UNC13C: variants seen among roughly 807,000 people sequenced by gnomAD.
UNC13C encodes protein unc-13 homolog C.
Under a neutral mutation model 245.4 loss-of-function variants are expected in UNC13C, and 174 were observed. That is an observed-to-expected ratio of 0.71 (90% CI 0.63 to 0.80). The LOEUF is 0.80. Among genes scored for constraint, UNC13C ranks in the 30% least tolerant of loss-of-function variants. The probability of loss-of-function intolerance (pLI) is 0.00; values close to 1 mark genes in which losing one functional copy is unlikely to be tolerated. For synonymous variants in UNC13C, 992 were observed against 895.1 expected, an observed-to-expected ratio of 1.11 and a Z score of -1.93; for missense variants, 2,829 against 2,602.9, an observed-to-expected ratio of 1.09 and a Z score of -1.89.
At position 54,448,284 on chromosome 15, in the gene UNC13C, G is replaced by T. The variant is rs113609065; in HGVS notation, c.4933+33217G>T. On this transcript the variant is annotated intron_variant, in intron 19 of 32. Coordinates refer to ENST00000260323, the MANE Select transcript of UNC13C (RefSeq NM_001080534.3). The stretch of plus-strand genomic sequence containing the variant: ...GGGTGGAGAGTTCTGTAGATGTCTA[G>T]TAGGTCCGCTTGGTGCAGAGCTGAG... Among the ~76,000 whole-genome samples, 861 of 152,206 alleles carry T rather than the reference G, an allele frequency of 5.7e-3. 6 individuals are homozygous for T. Among genetic ancestry groups the T allele is most frequent in the African/African-American group, 0.018 (754 of 41,546 alleles).
intron 30 of UNC13C, among the ~76,000 whole-genome samples, chr15:54,591,744 T>A (rs2553216): frequency 1.3e-5 from 2 of 151,948 alleles, no homozygotes; most frequent in African/African-American, 4.8e-5. Flanking sequence ...CCAGCTTTTT[T>A]TTTCATTTAT....
At chr15:53,920,969 G>C in the UNC13C span, among the ~76,000 whole-genome samples, 1 of 151,790 alleles carries the variant, frequency 6.6e-6, no homozygotes, top group South Asian at 2.1e-4. Flanking sequence ...GAGTGACCAA[G>C]GGAAGAGGCT....
intron 17 of UNC13C, among the ~76,000 whole-genome samples, chr15:54,367,715 G>C (rs565777557): frequency 5.3e-4 from 81 of 152,214 alleles, no homozygotes; most frequent in African/African-American, 1.9e-3. Context: ...ATAGCATCTA[G>C]TCTCAGTTAA....
intron 2 of UNC13C, among the ~76,000 whole-genome samples, chr15:54,040,449 A>C (rs2141032292): frequency 6.6e-6 from 1 of 152,260 alleles, no homozygotes; most frequent in South Asian, 2.1e-4. Context: ...CTTAATCAAA[A>C]TCTTGTTAAA....
At chr15:54,236,731 T>C (rs4776216) in intron 6 of UNC13C, among the ~76,000 whole-genome samples, 75,452 of 151,996 alleles carry the variant, frequency 0.5, 20,175 homozygotes, top group African/African-American at 0.69. Context: ...TCAAGGTAAA[T>C]GTGGAGATGA....
rs188414824 is a variant in UNC13C, at chr15:54,035,086, T to A, written c.2983+19200T>A. Reference sequence around the variant, plus strand: ...TTCTTCCATTGTTTTTTTTTATGAATGACTCTTCAGATATACATTTATAGG... The same window carrying A: ...TTCTTCCATTGTTTTTTTTTATGAAAGACTCTTCAGATATACATTTATAGG... On this transcript the variant is annotated intron_variant, in intron 2 of 32. Coordinates refer to ENST00000260323, the MANE Select transcript of UNC13C (RefSeq NM_001080534.3). 2.6e-4 allele frequency among the ~76,000 whole-genome samples: 39 copies of A among 152,276 alleles called. No homozygotes were observed. In the East Asian group the frequency reaches 7.0e-3, roughly 27 times the overall value.
intron 4 of UNC13C, among the ~76,000 whole-genome samples, chr15:54,227,000 T>G (rs2140802101): frequency 6.6e-6 from 1 of 152,190 alleles, no homozygotes; most frequent in East Asian, 2.0e-4. Context: ...TCAGCCCTGT[T>G]TATGTTACAA....
chr15:54,265,259 C>A, intron 9 of UNC13C, 96 bp from the exon 10 acceptor site: 1 of 1,077,624 alleles, frequency 9.3e-7, no homozygotes, highest in Non-Finnish European at 1.2e-6. Flanking sequence ...ATCTATAAGC[C>A]CAAAGAACCA....
intron 19 of UNC13C, among the ~76,000 whole-genome samples, chr15:54,442,374 C>T (rs1890577348): frequency 6.6e-6 from 1 of 151,732 alleles, no homozygotes; most frequent in Non-Finnish European, 1.5e-5. Context: ...AGGCATCTGC[C>T]ATCATGCTCA....
chr15:53,924,122 G>C, the UNC13C span, among the ~76,000 whole-genome samples: 3 of 152,052 alleles, frequency 2.0e-5, no homozygotes, highest in Non-Finnish European at 4.4e-5. Flanking sequence ...CAGGAGTATC[G>C]CTTGAACCCA....
chr15:54,051,741 A>G (rs1278120836), intron 2 of UNC13C, among the ~76,000 whole-genome samples: 3 of 148,790 alleles, frequency 2.0e-5, no homozygotes, highest in African/African-American at 7.5e-5. Flanking sequence ...TCGTTTAAGG[A>G]CTATACTCCA....
the UNC13C span, among the ~76,000 whole-genome samples, chr15:53,951,183 T>C: frequency 2.6e-5 from 4 of 152,232 alleles, no homozygotes; most frequent in Non-Finnish European, 5.9e-5. Flanking sequence ...TTTCTCTTAA[T>C]TCTGATTTAA....
At chr15:54,409,622 C>T (rs187595149) in intron 18 of UNC13C, among the ~76,000 whole-genome samples, 7 of 152,268 alleles carry the variant, frequency 4.6e-5, no homozygotes, top group African/African-American at 1.7e-4. Context: ...TAAGTGAGAA[C>T]ATCTGATATT....
intron 17 of UNC13C, among the ~76,000 whole-genome samples, chr15:54,384,451 A>G (rs1049385599): frequency 2.0e-5 from 3 of 152,130 alleles, no homozygotes; most frequent in African/African-American, 4.8e-5. Flanking sequence ...AAAATGTATA[A>G]CTATATCCAA....
At chr15:53,970,129 C>T in the UNC13C span, among the ~76,000 whole-genome samples, 2 of 151,810 alleles carry the variant, frequency 1.3e-5, no homozygotes, top group African/African-American at 4.8e-5. Context: ...TGGCTCACTC[C>T]TCACTCCAAC....
At chr15:54,428,828 A>G (rs914301837) in intron 19 of UNC13C, among the ~76,000 whole-genome samples, 1 of 151,568 alleles carries the variant, frequency 6.6e-6, no homozygotes, top group Non-Finnish European at 1.5e-5. Context: ...GATAGATTGC[A>G]AATGTGCTTG....
In UNC13C at chr15:54,235,081, A is replaced by G. The variant is rs1410702060; in HGVS notation, c.3123A>G (p.Lys1041=). ...ACAGCATGCCGGATCTTCGCAGAAA[A>G]AAAACTTTGCCTATTGTCCGAGATG... ...GIDSMPDLRR[K]KTLPIVRDVA... is the part of the protein sequence containing the mutation. Residue 1041 remains lysine, a synonymous_variant, in exon 5 of 33, where the codon AAA becomes AAG. Transcript: ENST00000260323. 6.2e-7 allele frequency: 1 copy of G among 1,613,974 alleles called. No individual in the cohort carries two copies. The highest frequency in any genetic ancestry group is 1.6e-4 in the Middle Eastern group (1 of 6,062).
chr15:54,302,773 T>C (rs982963547), intron 13 of UNC13C, among the ~76,000 whole-genome samples: 3 of 152,160 alleles, frequency 2.0e-5, no homozygotes, highest in Non-Finnish European at 2.9e-5. Flanking sequence ...TTATTCCATA[T>C]GAAATTTAAA....
chr15:54,567,737 T>C (rs1378604291), intron 29 of UNC13C, 63 bp from the exon 30 acceptor site: 1 of 1,399,648 alleles, frequency 7.1e-7, no homozygotes. Context: ...TCTATTAGAG[T>C]AATAAATTCT....
Sources: gnomAD v4.1 joint callset for allele counts (sites outside exome capture counted in the v4.1 genomes callset) on GRCh38, gnomAD v4.1.1 for gene constraint, MANE v1.5 for transcripts, NCBI Gene and HGNC (gene_info 2026-07-23, HGNC 2026-07-21) for gene names.